Variants in TMEM132C observed in about 807,000 individuals in gnomAD.
TMEM132C encodes protein phosphatase 1, regulatory subunit 152.
A neutral mutation model predicts 61.4 loss-of-function variants in TMEM132C; 29 were observed. That is an observed-to-expected ratio of 0.47 (90% CI 0.35 to 0.64). The LOEUF (loss-of-function observed/expected upper bound fraction) is 0.64, where lower values mean the gene tolerates loss of function less well. Ranked by LOEUF, TMEM132C falls within the 30% of genes least tolerant of loss-of-function variation. The pLI is 0.00. For missense variants in TMEM132C, 1,408 were observed against 1,476.9 expected, an observed-to-expected ratio of 0.95 and a Z score of 0.76; for synonymous variants, 656 against 633.1, an observed-to-expected ratio of 1.04 and a Z score of -0.54.
chr12:128,474,237 G>A (rs540740564), intron 2 of TMEM132C, among the ~76,000 whole-genome samples: 4 of 152,144 alleles, frequency 2.6e-5, no homozygotes, highest in African/African-American at 9.7e-5. Flanking sequence ...GAAATCCCTG[G>A]TGATGCAGAT....
rs757231476 is a variant in TMEM132C, at chr12:128,301,776, GC to G, written c.85+34290del. On this transcript the variant is annotated intron_variant, in intron 1 of 8. Transcript: ENST00000435159. ...AGGTATTGTATTAGTCCATTTTCACGCTGCTGATAAAGACATAGCTGAGACT... is the reference window on the plus strand; with the variant it reads ...AGGTATTGTATTAGTCCATTTTCACGTGCTGATAAAGACATAGCTGAGACT... 4.6e-5 allele frequency among the ~76,000 whole-genome samples: 7 copies of G among 152,246 alleles called. No homozygotes were observed. The East Asian group carries it at 1.4e-3, about 29-fold the overall frequency.
chr12:128,334,290 C>T (rs141119687), intron 1 of TMEM132C, among the ~76,000 whole-genome samples: 1,601 of 152,258 alleles, frequency 0.011, 28 homozygotes, highest in East Asian at 0.034. Context: ...CCCATCTCCA[C>T]AGACCGCCAC....
At chr12:128,568,230 A>C (rs1305397780) in intron 3 of TMEM132C, among the ~76,000 whole-genome samples, 1 of 152,164 alleles carries the variant, frequency 6.6e-6, no homozygotes, top group African/African-American at 2.4e-5. Flanking sequence ...TTACAGACCA[A>C]ACGCTTTTCA....
intron 1 of TMEM132C, among the ~76,000 whole-genome samples, chr12:128,317,324 A>G (rs545290144): frequency 1.3e-5 from 2 of 152,318 alleles, no homozygotes; most frequent in South Asian, 4.1e-4. Context: ...AACTCAGCTG[A>G]TAACACGTTT....
At chr12:128,681,935 G>A (rs1192207686) in intron 5 of TMEM132C, among the ~76,000 whole-genome samples, 2 of 150,430 alleles carry the variant, frequency 1.3e-5, no homozygotes, top group African/African-American at 4.9e-5. Flanking sequence ...CTCCCAAAGT[G>A]CTGGGATTAC....
At chr12:128,269,347 C>CGTGTTTGTGTGTGTGTGT (rs1555248768) in intron 1 of TMEM132C, among the ~76,000 whole-genome samples, 1 of 143,050 alleles carries the variant, frequency 7.0e-6, no homozygotes, top group East Asian at 2.1e-4. Context: ...GCTCACATTC[C>CGTGTTTGTGTGTGTGTGT]GTGTGTGTGT....
intron 3 of TMEM132C, 94 bp downstream of exon 3, chr12:128,544,197 G>T (rs11610492): frequency 7.8e-6 from 11 of 1,410,540 alleles, no homozygotes; most frequent in South Asian, 1.6e-5. Flanking sequence ...TCGCGTGAGC[G>T]GCTGCTCAGA....
rs377061626 is a variant in TMEM132C at position 128,611,776 on chromosome 12, A to G, written c.1122-4376A>G. ...AATCCAGAGATTTTAGAGAAAAAAA[A>G]GCCTAGATTCCCAGCTTCTCTAGGA... On this transcript the variant is annotated intron_variant, in intron 3 of 8. Transcript: ENST00000435159. 2.6e-4 allele frequency among the ~76,000 whole-genome samples: 40 copies of G among 152,322 alleles called. No homozygotes were observed. The East Asian group carries it at 6.0e-3, about 23-fold the overall frequency.
At position 128,335,455 on chromosome 12, in the gene TMEM132C, G is replaced by A. The variant is rs994616234; in HGVS notation, c.85+67968G>A. On this transcript the variant is annotated intron_variant, in intron 1 of 8. Coordinates refer to ENST00000435159, the MANE Select transcript of TMEM132C (RefSeq NM_001136103.3). ...AAATTTTTCAGAAAGATTAACCATCGCTGTTGTATTCTAACTGCCCGTCAT... is the reference window on the plus strand; with the variant it reads ...AAATTTTTCAGAAAGATTAACCATCACTGTTGTATTCTAACTGCCCGTCAT... Among the ~76,000 whole-genome samples the A allele has an allele frequency of 5.3e-5, 8 of 152,166 alleles. No homozygotes were observed. The South Asian group carries it at 1.0e-3, about 20-fold the overall frequency.
chr12:128,301,733 TG>T (rs1871601227), intron 1 of TMEM132C, among the ~76,000 whole-genome samples: 1 of 152,200 alleles, frequency 6.6e-6, no homozygotes, highest in Non-Finnish European at 1.5e-5. Flanking sequence ...ACTGGTGTCC[TG>T]TGAAGGTAGC....
chr12:128,293,155 A>C (rs1913615), intron 1 of TMEM132C, among the ~76,000 whole-genome samples: 34,977 of 151,950 alleles, frequency 0.23, 4,549 homozygotes, highest in East Asian at 0.5. Flanking sequence ...ATCCTCTTTA[A>C]AAACTGGGTC....
chr12:128,563,745 A>C (rs2136165494), intron 3 of TMEM132C, among the ~76,000 whole-genome samples: 1 of 152,320 alleles, frequency 6.6e-6, no homozygotes, highest in Admixed American at 6.5e-5. Context: ...GTAATGTAAA[A>C]ATGTGACAAG....
intron 2 of TMEM132C, among the ~76,000 whole-genome samples, chr12:128,538,591 A>G (rs1873621501): frequency 6.6e-6 from 1 of 152,240 alleles, no homozygotes. Flanking sequence ...GAACTATTTA[A>G]AAATACAAAG....
intron 2 of TMEM132C, among the ~76,000 whole-genome samples, chr12:128,423,444 G>C (rs554605784): frequency 6.6e-6 from 1 of 152,290 alleles, no homozygotes; most frequent in South Asian, 2.1e-4. Context: ...CAGGATGAAG[G>C]GTGGACACAG....
rs1270870411 is a variant in TMEM132C, at chr12:128,544,931, T to C, written c.1121+828T>C. On this transcript the variant is annotated intron_variant, in intron 3 of 8. Transcript: ENST00000435159. ...CGTAACAGAAACAACCAACCATGCC[T>C]GTATTTTACCATTTAGGTTGATTCC... is the stretch of plus-strand genomic sequence containing the variant. Among the ~76,000 whole-genome samples, 5 of 152,366 alleles carry C rather than the reference T, an allele frequency of 3.3e-5. No homozygotes were observed. The East Asian group carries it at 9.6e-4, about 29-fold the overall frequency.
intron 6 of TMEM132C, 54 bp downstream of exon 6, chr12:128,694,088 G>T: frequency 1.3e-6 from 2 of 1,522,128 alleles, no homozygotes; most frequent in Non-Finnish European, 1.8e-6. Flanking sequence ...TTTATTTACT[G>T]ACCTTAACAC....
Position 128,673,369 on chromosome 12 carries a change from A to G in TMEM132C, c.1449+3809A>G, listed in dbSNP as rs558760096. 3.6e-4 allele frequency among the ~76,000 whole-genome samples: 55 copies of G among 152,352 alleles called. 1 individual carries two copies. The South Asian group carries it at 0.011, about 32-fold the overall frequency. On this transcript the variant is annotated intron_variant, in intron 5 of 8. Transcript: ENST00000435159. ...CTCAGTAGAACCCAGCAATTCTGGC[A>G]TCCTGATCTCAGACTTCCCAGTCTT...
chr12:128,601,056 A>T (rs1876168056), intron 3 of TMEM132C, among the ~76,000 whole-genome samples: 1 of 152,224 alleles, frequency 6.6e-6, no homozygotes, highest in African/African-American at 2.4e-5. Context: ...GCTTTGGAGC[A>T]AATCCAGTTT....
chr12:128,622,583 C>T (rs1953979038), intron 4 of TMEM132C, among the ~76,000 whole-genome samples: 1 of 151,224 alleles, frequency 6.6e-6, no homozygotes, highest in African/African-American at 2.4e-5. Context: ...GAGACCCGGA[C>T]GTACATGAAC....
Sources: allele counts gnomAD v4.1 joint callset (sites outside exome capture counted in the v4.1 genomes callset), GRCh38; gene constraint gnomAD v4.1.1; transcripts MANE v1.5; gene names NCBI Gene and HGNC (gene_info 2026-07-23, HGNC 2026-07-21).